CNTN1: variants seen among roughly 807,000 people sequenced by gnomAD.
CNTN1 encodes the protein contactin 1.
Under a neutral mutation model 126.4 loss-of-function variants are expected in CNTN1, and 38 were observed. The observed-to-expected ratio is 0.30, with a 90% CI of 0.23 to 0.39. The LOEUF (loss-of-function observed/expected upper bound fraction) is 0.39, where lower values mean the gene tolerates loss of function less well. CNTN1 is among the 10% of genes least tolerant of loss of function. CNTN1 has a pLI of 1.00. For synonymous variants in CNTN1, 413 were observed against 422.6 expected (o/e 0.98, Z 0.28); for missense variants, 1,009 against 1,248.4 (o/e 0.81, Z 2.89).
At chr12:40,773,633 G>GTGTATATATATATATA (rs1555155525) in intron 1 of CNTN1, among the ~76,000 whole-genome samples, 2 of 46,636 alleles carry the variant, frequency 4.3e-5, no homozygotes, top group African/African-American at 6.7e-5. Flanking sequence ...ACCAGAAACT[G>GTGTATATATATATATA]TATATATATA....
At chr12:40,894,425 A>G (rs527743884) in intron 1 of CNTN1, among the ~76,000 whole-genome samples, 38 of 152,314 alleles carry the variant, frequency 2.5e-4, no homozygotes, top group African/African-American at 8.7e-4. Flanking sequence ...TAGCTCATCA[A>G]TTGTAACAAA....
At chr12:40,862,427 G>A (rs1407065002) in intron 1 of CNTN1, among the ~76,000 whole-genome samples, 1 of 152,052 alleles carries the variant, frequency 6.6e-6, no homozygotes, top group Non-Finnish European at 1.5e-5. Context: ...GGTTTACAGA[G>A]GTTACTGATT....
chr12:40,870,272 C>T (rs1592183700), intron 1 of CNTN1, among the ~76,000 whole-genome samples: 2 of 151,620 alleles, frequency 1.3e-5, no homozygotes, highest in East Asian at 1.9e-4. Flanking sequence ...AAGAATAAAG[C>T]AAAAATATTA....
intron 22 of CNTN1, among the ~76,000 whole-genome samples, 166 bp downstream of exon 22, chr12:41,028,135 G>A (rs1324094336): frequency 6.6e-6 from 1 of 152,054 alleles, no homozygotes; most frequent in African/African-American, 2.4e-5. Context: ...GGGTTCAAGT[G>A]ATTCTCCTGC....
intron 8 of CNTN1, 29 bp downstream of exon 8, chr12:40,933,589 A>G (rs747626974): frequency 6.6e-7 from 1 of 1,524,620 alleles, no homozygotes; most frequent in Non-Finnish European, 9.1e-7. Flanking sequence ...TTATTAATAT[A>G]TATAGAAATA....
chr12:40,758,104 T>A (rs574349040), intron 1 of CNTN1, among the ~76,000 whole-genome samples: 11 of 150,902 alleles, frequency 7.3e-5, no homozygotes, highest in African/African-American at 2.4e-4. Flanking sequence ...AGAAATTTTT[T>A]CCACATTGTA....
chr12:40,817,515 T>A (rs1208972464), intron 1 of CNTN1, among the ~76,000 whole-genome samples: 1 of 140,896 alleles, frequency 7.1e-6, no homozygotes, highest in East Asian at 2.2e-4. Context: ...TTTCATTTCC[T>A]TGGTAAATTT....
intron 1 of CNTN1, among the ~76,000 whole-genome samples, chr12:40,838,373 C>T (rs1384148350): frequency 6.6e-6 from 1 of 152,214 alleles, no homozygotes; most frequent in Admixed American, 6.5e-5. Flanking sequence ...CTATTGCCAT[C>T]CTCCATGCCA....
At chr12:40,830,011 G>C (rs1941753965) in intron 1 of CNTN1, among the ~76,000 whole-genome samples, 1 of 152,086 alleles carries the variant, frequency 6.6e-6, no homozygotes. Context: ...TCCCGTGCTG[G>C]GTGACAAGAT....
Position 40,951,714 on chromosome 12 carries a change from TTAAAAAAAAAAA to T in CNTN1, c.1684-7399_1684-7388del, listed in dbSNP as rs1296104219. On this transcript the variant is annotated intron_variant, in intron 14 of 23. Transcript: ENST00000551295. Reference sequence around the variant, plus strand: ...AAAGAGTGAGACTTTGTCTCAAAATTTAAAAAAAAAAAAAAAAAAAAAAAAAAAGAAGAAAAG... The same window carrying T: ...AAAGAGTGAGACTTTGTCTCAAAATTAAAAAAAAAAAAAAAAGAAGAAAAG... 2.3e-3 allele frequency among the ~76,000 whole-genome samples: 180 copies of T among 79,630 alleles called. 8 individuals are homozygous for T. The highest frequency in any genetic ancestry group is 6.8e-4 in the Non-Finnish European group (31 of 45,722). 52.2% of individuals were successfully genotyped at this position (79,630 alleles called of 152,430 possible).
chr12:41,001,102 G>C (rs78244407), intron 17 of CNTN1, among the ~76,000 whole-genome samples: 15,595 of 152,148 alleles, frequency 0.1, 906 homozygotes, highest in Non-Finnish European at 0.13. Context: ...ACTCATGCAT[G>C]GGTCTTTAGA....
chr12:40,989,408 G>A lies in CNTN1; in HGVS notation c.1964-3712G>A, dbSNP rs193261278. Among the ~76,000 whole-genome samples, 17 of 152,232 alleles carry A rather than the reference G, an allele frequency of 1.1e-4. No individual in the cohort carries two copies. The East Asian group carries it at 3.3e-3, about 29-fold the overall frequency. On this transcript the variant is annotated intron_variant, in intron 16 of 23. Transcript: ENST00000551295. ...AATGAGAATCAACTCACAATTGAAG[G>A]GAAAGGAAGAGGCCTTAAGAAGATA...
At chr12:40,917,052 T>C (rs1945269303) in intron 3 of CNTN1, among the ~76,000 whole-genome samples, 1 of 9,464 alleles carries the variant, frequency 1.1e-4, no homozygotes, top group Non-Finnish European at 1.7e-4. Flanking sequence ...TTCATACCAG[T>C]GGTGGGGGCG....
Position 40,937,668 on chromosome 12 carries a change from T to A in CNTN1, c.1209T>A (p.Asn403Lys). Residue 403 changes from asparagine (N) to lysine (K), a missense_variant, in exon 11 of 24, where the codon AAT becomes AAA. Transcript: ENST00000551295. ...ACACATATGGAGCCATTTATGCAAA[T>A]GCTGAGTTGAAGATCTTGGGTCAGT... Reference protein sequence around the residue: ...AENTYGAIYANAELKILALAP... With the variant: ...AENTYGAIYAKAELKILALAP... 1 of 1,604,734 alleles carries A rather than the reference T, an allele frequency of 6.2e-7. No individual in the cohort carries two copies. Among genetic ancestry groups the A allele is most frequent in the Non-Finnish European group, 8.5e-7 (1 of 1,171,628 alleles).
At chr12:40,735,960 C>T (rs1937658084) in intron 1 of CNTN1, among the ~76,000 whole-genome samples, 1 of 151,980 alleles carries the variant, frequency 6.6e-6, no homozygotes, top group Non-Finnish European at 1.5e-5. Flanking sequence ...TGCTTGCCAT[C>T]TTTGCTGGAA....
intron 1 of CNTN1, among the ~76,000 whole-genome samples, chr12:40,790,519 G>A (rs1197764737): frequency 2.0e-5 from 3 of 152,064 alleles, no homozygotes; most frequent in Non-Finnish European, 4.4e-5. Context: ...TAGAAAAATA[G>A]ACTGCTTTGT....
chr12:40,902,216 CATT>C (rs1178392098), intron 1 of CNTN1, among the ~76,000 whole-genome samples: 1 of 152,190 alleles, frequency 6.6e-6, no homozygotes, highest in East Asian at 1.9e-4. Context: ...CATATACATG[CATT>C]ACCTAAACCT....
At chr12:40,793,906 G>A (rs374677088) in intron 1 of CNTN1, among the ~76,000 whole-genome samples, 4 of 151,804 alleles carry the variant, frequency 2.6e-5, no homozygotes, top group Non-Finnish European at 4.4e-5. Context: ...CTATTAGACC[G>A]CAATTACTTT....
Position 40,930,001 on chromosome 12 carries a change from A to T in CNTN1, c.702A>T (p.Glu234Asp). ...TCATCCCACTCATTCCAATACCTGA[A>T]CGTAAGTATTTTATTTGTTACACTC... The part of the protein sequence containing the change: ...SKFIPLIPIP[E>D]RTTKPYPADI... The change falls in exon 7 of 24, where the codon GAA becomes GAT. Residue 234 changes from glutamate (E) to aspartate (D), a missense_variant and splice_region_variant. Transcript: ENST00000551295. The T allele has an allele frequency of 6.2e-7, 1 of 1,603,110 alleles. No homozygotes were observed. The highest frequency in any genetic ancestry group is 8.5e-7 in the Non-Finnish European group (1 of 1,170,322).
Sources: gnomAD v4.1 joint callset for allele counts (sites outside exome capture counted in the v4.1 genomes callset) on GRCh38, gnomAD v4.1.1 for gene constraint, MANE v1.5 for transcripts, NCBI Gene and HGNC (gene_info 2026-07-23, HGNC 2026-07-21) for gene names.